The following NCOR1 variants were observed in gnomAD, a reference collection of about 807,000 sequenced individuals.
The protein encoded by NCOR1 is nuclear receptor corepressor 1, also known as protein phosphatase 1, regulatory subunit 109.
Under a neutral mutation model 288.1 loss-of-function variants are expected in NCOR1, and 63 were observed. The observed-to-expected ratio is 0.22, with a 90% confidence interval of 0.18 to 0.27. NCOR1 has a LOEUF of 0.27. NCOR1 is among the 10% of genes least tolerant of loss of function. NCOR1 has a pLI of 1.00. For synonymous variants in NCOR1, 1,007 were observed against 1,065.9 expected (o/e 0.94, Z 1.08); for missense variants, 2,397 against 3,019.2 (o/e 0.79, Z 4.83).
chr17:16,145,882 G>C (rs889984881), intron 10 of NCOR1, among the ~76,000 whole-genome samples: 1 of 152,222 alleles, frequency 6.6e-6, no homozygotes, highest in Non-Finnish European at 1.5e-5. Context: ...AGAGTAGAGG[G>C]AGATCAGATT....
intron 42 of NCOR1, among the ~76,000 whole-genome samples, chr17:16,043,085 G>A (rs1205544009): frequency 6.6e-6 from 1 of 152,158 alleles, no homozygotes; most frequent in Non-Finnish European, 1.5e-5. Context: ...AAGTAGAGAA[G>A]AAACAGGAGA....
In NCOR1 at chr17:16,034,617, C is replaced by T. The variant is rs1973721361; in HGVS notation, c.7135+148G>A. On this transcript the variant is annotated intron_variant, in intron 45 of 45. Coordinates refer to ENST00000268712, the MANE Select transcript of NCOR1 (RefSeq NM_006311.4). ...AACAAGACCCCTCAAAAAAATACTT[C>T]TATTCGGGAAAGTGGAACATATTAA... 4.1e-6 allele frequency: 3 copies of T among 740,010 alleles called. No individual in the cohort carries two copies. In the East Asian group the frequency reaches 7.9e-5, roughly 19 times the overall value. The allele number at this position is 740,010 out of a possible 1,614,324, so 45.8% of individuals were successfully genotyped here.
chr17:16,092,680 TATATATATA>T (rs1461720322), intron 21 of NCOR1, among the ~76,000 whole-genome samples: 341 of 22,542 alleles, frequency 0.015, 17 homozygotes, highest in African/African-American at 0.03. Context: ...TATATATATA[TATATATATA>T]TATATATTTT....
Position 16,127,360 on chromosome 17 carries a change from T to C in NCOR1, c.1510-1154A>G, listed in dbSNP as rs1421435398. Among the ~76,000 whole-genome samples the C allele has an allele frequency of 7.1e-5, 10 of 141,126 alleles. 4 individuals are homozygous for C. Among genetic ancestry groups the C allele is most frequent in the Non-Finnish European group, 1.5e-4 (10 of 65,600 alleles). The allele number at this position is 141,126 out of a possible 152,430, so 92.6% of individuals were successfully genotyped here. A position where few individuals can be genotyped will look rare whatever the true frequency, so the allele number is the denominator to read the frequency against. ...ATACATGTATGTATATATGTATGTATATATACATGTATGTATATATGTATG... is the reference window on the plus strand; with the variant it reads ...ATACATGTATGTATATATGTATGTACATATACATGTATGTATATATGTATG... On this transcript the variant is annotated intron_variant, in intron 14 of 45. Transcript: ENST00000268712.
chr17:16,158,684 G>A (rs570041626), intron 6 of NCOR1, 76 bp downstream of exon 6: 191 of 797,314 alleles, frequency 2.4e-4, no homozygotes, highest in Non-Finnish European at 3.5e-4. Flanking sequence ...AATTATACCA[G>A]GATACATTCA....
At chr17:16,135,941 T>C (rs1400602672) in intron 14 of NCOR1, among the ~76,000 whole-genome samples, 1 of 152,186 alleles carries the variant, frequency 6.6e-6, no homozygotes, top group Admixed American at 6.5e-5. Flanking sequence ...TAATGAATCG[T>C]TGCAGTGTCG....
At chr17:16,138,310 C>T in intron 12 of NCOR1, 98 bp from the exon 13 acceptor site, 7 of 1,051,572 alleles carry the variant, frequency 6.7e-6, no homozygotes, top group South Asian at 1.5e-5. Flanking sequence ...ATAGGCTGGG[C>T]GTGGTGGCTC....
chr17:16,081,337 C>G (rs1481344081), intron 23 of NCOR1, among the ~76,000 whole-genome samples: 1 of 148,686 alleles, frequency 6.7e-6, no homozygotes, highest in Non-Finnish European at 1.5e-5. Flanking sequence ...TTTAAAGAAC[C>G]CTGGAAATTA....
chr17:16,039,766 GAAC>G, intron 43 of NCOR1, 112 bp from the exon 44 acceptor site: 1 of 937,184 alleles, frequency 1.1e-6, no homozygotes, highest in Non-Finnish European at 1.6e-6. Context: ...AAGTGACCTA[GAAC>G]AATACCAGGA....
Position 16,101,290 on chromosome 17 carries a change from T to C in NCOR1, c.2650A>G (p.Ser884Gly). The change falls in exon 20 of 46, where the codon AGC (serine) becomes GGC (glycine). Residue 884 changes from serine to glycine, a missense_variant. Physicochemically the swap from Ser to Gly is moderately conservative, Grantham distance 56. This residue lies in a region of NCOR1 where 1,872 missense variants were observed against 2,187.8 expected (regional missense o/e 0.86). Coordinates refer to ENST00000268712, the MANE Select transcript of NCOR1 (RefSeq NM_006311.4). ...TCTCCATCCACATCCTCATCAGCGCTGCACGTGGCACTGGAATCATTGTCT... is the reference window on the plus strand; with the variant it reads ...TCTCCATCCACATCCTCATCAGCGCCGCACGTGGCACTGGAATCATTGTCT... The part of the protein sequence containing the change: ...QSDNDSSATC[S>G]ADEDVDGEPE... 6.2e-7 allele frequency: 1 copy of C among 1,612,254 alleles called. No individual in the cohort carries two copies. The highest frequency in any genetic ancestry group is 8.5e-7 in the Non-Finnish European group (1 of 1,178,980).
At chr17:16,103,886 T>C (rs1042633421) in intron 19 of NCOR1, among the ~76,000 whole-genome samples, 1 of 152,304 alleles carries the variant, frequency 6.6e-6, no homozygotes, top group East Asian at 1.9e-4. Flanking sequence ...GTGGCATGCC[T>C]GTGCTCCCAG....
At chr17:16,097,936 A>G (rs1175680882) in intron 21 of NCOR1, among the ~76,000 whole-genome samples, 1 of 152,224 alleles carries the variant, frequency 6.6e-6, no homozygotes, top group Non-Finnish European at 1.5e-5. Context: ...ACTGAACTGT[A>G]GGAACCTAGT....
At chr17:16,195,368 G>A (rs2089540888) in intron 1 of NCOR1, among the ~76,000 whole-genome samples, 1 of 152,138 alleles carries the variant, frequency 6.6e-6, no homozygotes, top group African/African-American at 2.4e-5. Flanking sequence ...CTACTTGGGA[G>A]GCTGAGGCAG....
intron 45 of NCOR1, among the ~76,000 whole-genome samples, chr17:16,033,540 T>C (rs1362136781): frequency 2.0e-5 from 3 of 152,120 alleles, no homozygotes; most frequent in East Asian, 1.9e-4. Flanking sequence ...AATTTACATA[T>C]ATCTTACAGG....
intron 18 of NCOR1, among the ~76,000 whole-genome samples, chr17:16,110,044 T>C (rs997643353): frequency 2.0e-5 from 3 of 152,176 alleles, no homozygotes; most frequent in Non-Finnish European, 4.4e-5. Context: ...TACCACTCAA[T>C]TTCTTTTACT....
At chr17:16,055,337 T>C (rs1208142561) in intron 40 of NCOR1, among the ~76,000 whole-genome samples, 11 of 152,232 alleles carry the variant, frequency 7.2e-5, no homozygotes, top group Admixed American at 4.6e-4. Flanking sequence ...TGGAATACTA[T>C]GGAGCCATGA....
In NCOR1 at chr17:16,095,952, A is replaced by G. The variant is rs570501794; in HGVS notation, c.2820+2415T>C. The stretch of plus-strand genomic sequence containing the variant: ...TGTGTCTGTGTAGAAAGTAGTAGAC[A>G]TGGGAGACTTTTCATTTTGTTCTGT... On this transcript the variant is annotated intron_variant, in intron 21 of 45. Transcript: ENST00000268712. Among the ~76,000 whole-genome samples, 1,394 of 152,166 alleles carry G rather than the reference A, an allele frequency of 9.2e-3. 27 individuals carry two copies. Among genetic ancestry groups the G allele is most frequent in the African/African-American group, 0.032 (1,327 of 41,494 alleles).
intron 14 of NCOR1, among the ~76,000 whole-genome samples, chr17:16,126,615 A>G (rs1232194806): frequency 6.6e-6 from 1 of 152,162 alleles, no homozygotes; most frequent in Non-Finnish European, 1.5e-5. Context: ...ACTATCTATA[A>G]TGCTATAAGA....
chr17:16,066,074 G>A (rs1341836308), intron 32 of NCOR1, among the ~76,000 whole-genome samples: 5 of 152,156 alleles, frequency 3.3e-5, no homozygotes, highest in Non-Finnish European at 7.3e-5. Flanking sequence ...AAAATACTTT[G>A]TGGCAATCAG....
Sources: allele counts gnomAD v4.1 joint callset (sites outside exome capture counted in the v4.1 genomes callset), GRCh38; gene constraint gnomAD v4.1.1; regional missense constraint gnomAD v4.1.1; transcripts MANE v1.5; gene names NCBI Gene and HGNC (gene_info 2026-07-23, HGNC 2026-07-21).